Variants in TRPC4 observed in about 807,000 individuals in gnomAD.
TRPC4 encodes transient receptor potential cation channel subfamily C member 4.
TRPC4 carries 49 observed loss-of-function variants against 99.4 expected under a neutral mutation model. The ratio of observed to expected loss-of-function variants is 0.49; its 90% CI spans 0.39 to 0.63. TRPC4 has a LOEUF of 0.63. Ranked by LOEUF, TRPC4 falls within the 20% of genes least tolerant of loss-of-function variation. TRPC4 has a pLI of 0.00. For synonymous variants in TRPC4, 454 were observed against 425.9 expected, an observed-to-expected ratio of 1.07 and a Z score of -0.81; for missense variants, 898 against 1,152.9, an observed-to-expected ratio of 0.78 and a Z score of 3.20.
intron 3 of TRPC4, among the ~76,000 whole-genome samples, chr13:37,739,071 G>A (rs965771592): frequency 6.6e-6 from 1 of 152,134 alleles, no homozygotes; most frequent in Non-Finnish European, 1.5e-5. Context: ...TGTTCAACTG[G>A]AGAAGCAAAA....
intron 1 of TRPC4, among the ~76,000 whole-genome samples, chr13:37,786,303 CA>C (rs1956967608): frequency 6.9e-6 from 1 of 145,566 alleles, no homozygotes; most frequent in African/African-American, 2.5e-5. Flanking sequence ...CACACACACA[CA>C]CACACACACA....
Position 37,695,905 on chromosome 13 carries a change from A to C in TRPC4, c.898-3570T>G, listed in dbSNP as rs553388197. On this transcript the variant is annotated intron_variant, in intron 3 of 10. Coordinates refer to ENST00000379705, the MANE Select transcript of TRPC4 (RefSeq NM_016179.4). ...AGCCACAATGGCAACAAAGAAAAGA[A>C]TTACAAAAAGGAGGCTAAATCTGGA... is the stretch of plus-strand genomic sequence containing the variant. 2.0e-5 allele frequency among the ~76,000 whole-genome samples: 3 copies of C among 152,298 alleles called. No homozygotes were observed. The South Asian group carries it at 6.2e-4, about 32-fold the overall frequency.
At chr13:37,868,094 A>G (rs1315914015) in intron 1 of TRPC4, among the ~76,000 whole-genome samples, 1 of 152,198 alleles carries the variant, frequency 6.6e-6, no homozygotes, top group Admixed American at 6.5e-5. Flanking sequence ...AAATAGCTAT[A>G]AAATTCAAAG....
At chr13:37,796,968 A>ATAAAATAAAATAAAATAAAT (rs1555273561) in intron 1 of TRPC4, among the ~76,000 whole-genome samples, 1 of 115,114 alleles carries the variant, frequency 8.7e-6, no homozygotes, top group African/African-American at 3.8e-5. Flanking sequence ...ATAAAATAAA[A>ATAAAATAAAATAAAATAAAT]TAAAGTAAAG....
intron 2 of TRPC4, among the ~76,000 whole-genome samples, chr13:37,757,922 T>G (rs1229761193): frequency 6.6e-6 from 1 of 151,938 alleles, no homozygotes; most frequent in African/African-American, 2.4e-5. Context: ...TGGGTAGGGT[T>G]CAAGGTTGGA....
intron 8 of TRPC4, among the ~76,000 whole-genome samples, chr13:37,644,375 C>A (rs1951807430): frequency 6.6e-6 from 1 of 152,108 alleles, no homozygotes; most frequent in Non-Finnish European, 1.5e-5. Flanking sequence ...GGGTATTTAG[C>A]TTTAATACCT....
At chr13:37,770,280 C>T (rs1215853363) in intron 2 of TRPC4, among the ~76,000 whole-genome samples, 1 of 151,330 alleles carries the variant, frequency 6.6e-6, no homozygotes, top group African/African-American at 2.4e-5. Flanking sequence ...CTTCACTTTC[C>T]ACATATCTGT....
At chr13:37,765,490 T>C (rs893097696) in intron 2 of TRPC4, among the ~76,000 whole-genome samples, 1 of 151,420 alleles carries the variant, frequency 6.6e-6, no homozygotes, top group African/African-American at 2.4e-5. Flanking sequence ...ATTTCTCCCC[T>C]GATAGATTTT....
intron 1 of TRPC4, among the ~76,000 whole-genome samples, chr13:37,796,872 T>C (rs1157305417): frequency 6.8e-6 from 1 of 146,176 alleles, no homozygotes; most frequent in Non-Finnish European, 1.5e-5. Context: ...GCAATAGGAT[T>C]CCTTGAGCCC....
chr13:37,856,276 G>T (rs1003068141), intron 1 of TRPC4, among the ~76,000 whole-genome samples: 3 of 150,834 alleles, frequency 2.0e-5, no homozygotes, highest in Non-Finnish European at 3.0e-5. Flanking sequence ...TAGAAGAAAT[G>T]GACAAATTCC....
intron 6 of TRPC4, among the ~76,000 whole-genome samples, chr13:37,657,698 A>G (rs1032878815): frequency 6.6e-6 from 1 of 152,154 alleles, no homozygotes; most frequent in Non-Finnish European, 1.5e-5. Flanking sequence ...TGCAGAATAA[A>G]CCACTTATTA....
At chr13:37,817,204 T>G (rs1006792929) in intron 1 of TRPC4, among the ~76,000 whole-genome samples, 1 of 151,862 alleles carries the variant, frequency 6.6e-6, no homozygotes, top group African/African-American at 2.4e-5. Flanking sequence ...GGGCAAAATT[T>G]GCTAACATTC....
intron 3 of TRPC4, among the ~76,000 whole-genome samples, chr13:37,705,532 A>G (rs931834649): frequency 6.6e-6 from 1 of 151,028 alleles, no homozygotes; most frequent in Non-Finnish European, 1.5e-5. Context: ...ACATTTCAAA[A>G]TATTATATTG....
chr13:37,827,469 T>G (rs1018868234), intron 1 of TRPC4, among the ~76,000 whole-genome samples: 2 of 152,176 alleles, frequency 1.3e-5, no homozygotes, highest in Admixed American at 1.3e-4. Flanking sequence ...GTCCTTTCTG[T>G]TTGTTAGTTT....
chr13:37,683,248 G>C (rs906544984), intron 4 of TRPC4, among the ~76,000 whole-genome samples: 3 of 152,090 alleles, frequency 2.0e-5, no homozygotes, highest in African/African-American at 4.8e-5. Context: ...TGTTTGGGCA[G>C]GTGGCTTGCT....
intron 8 of TRPC4, among the ~76,000 whole-genome samples, chr13:37,648,180 A>G (rs1468685848): frequency 6.6e-6 from 1 of 152,096 alleles, no homozygotes; most frequent in East Asian, 1.9e-4. Flanking sequence ...TGACCTTGTG[A>G]TCCACCCACC....
At chr13:37,752,097 G>A (rs1410046152) in intron 2 of TRPC4, among the ~76,000 whole-genome samples, 21 of 26,508 alleles carry the variant, frequency 7.9e-4, no homozygotes, top group Non-Finnish European at 1.2e-3. Flanking sequence ...ATATATATAT[G>A]ACTGGTAGAG....
chr13:37,850,808 A>C (rs1959033759), intron 1 of TRPC4, among the ~76,000 whole-genome samples: 1 of 152,174 alleles, frequency 6.6e-6, no homozygotes, highest in Non-Finnish European at 1.5e-5. Flanking sequence ...AACATCCCAG[A>C]TAGAGGGAAA....
intron 1 of TRPC4, among the ~76,000 whole-genome samples, chr13:37,832,084 A>G (rs1026391906): frequency 1.3e-5 from 2 of 152,328 alleles, no homozygotes; most frequent in Non-Finnish European, 1.5e-5. Context: ...TAATAAATAT[A>G]TTGATTAGCC....
Sources: allele counts gnomAD v4.1 joint callset (sites outside exome capture counted in the v4.1 genomes callset), GRCh38; gene constraint gnomAD v4.1.1; transcripts MANE v1.5; gene names NCBI Gene and HGNC (gene_info 2026-07-23, HGNC 2026-07-21).